Variants in SAV1 observed in about 807,000 individuals in gnomAD.
The protein encoded by SAV1 is protein salvador homolog 1.
Under a neutral mutation model 47.3 loss-of-function variants are expected in SAV1, and 23 were observed. That is an observed-to-expected ratio of 0.49 (90% CI 0.35 to 0.69). The LOEUF is 0.69. Ranked by LOEUF, SAV1 falls within the 30% of genes least tolerant of loss-of-function variation. SAV1 has a pLI of 0.01. For synonymous variants in SAV1, 155 were observed against 159.2 expected, an observed-to-expected ratio of 0.97 and a Z score of 0.20; for missense variants, 448 against 457.4, an observed-to-expected ratio of 0.98 and a Z score of 0.19.
At chr14:50,667,696 A>G (rs1237281076) in intron 1 of SAV1, among the ~76,000 whole-genome samples, 178 bp downstream of exon 1, 1 of 151,710 alleles carries the variant, frequency 6.6e-6, no homozygotes, top group Non-Finnish European at 1.5e-5. Flanking sequence ...CAAGTTTCTT[A>G]CTCTTATGGG....
chr14:50,652,102 C>T (rs1308346019), intron 2 of SAV1, among the ~76,000 whole-genome samples: 4 of 151,934 alleles, frequency 2.6e-5, no homozygotes, highest in Non-Finnish European at 4.4e-5. Flanking sequence ...CAACAGGAAC[C>T]AAGATTTTCA....
chr14:50,662,697 A>T (rs1292606497), intron 2 of SAV1: 2 of 152,230 alleles, frequency 1.3e-5, no homozygotes, highest in Admixed American at 6.5e-5. Context: ...CTTGTTATTA[A>T]TTCCTCATAT....
chr14:50,647,271 G>A (rs927371187), intron 2 of SAV1, among the ~76,000 whole-genome samples: 2 of 152,060 alleles, frequency 1.3e-5, no homozygotes, highest in African/African-American at 2.4e-5. Context: ...GATTAAAAAC[G>A]CTTGTGAAGG....
chr14:50,641,929 T>C (rs2039683334), intron 3 of SAV1, among the ~76,000 whole-genome samples: 1 of 152,190 alleles, frequency 6.6e-6, no homozygotes, highest in East Asian at 1.9e-4. Flanking sequence ...TGCAGCACTA[T>C]TCACAATAGC....
intron 2 of SAV1, among the ~76,000 whole-genome samples, chr14:50,650,194 T>C (rs1315732860): frequency 6.6e-6 from 1 of 152,212 alleles, no homozygotes; most frequent in Admixed American, 6.5e-5. Flanking sequence ...AAATACAACA[T>C]ACAATGCATA....
At chr14:50,663,199 A>G (rs2039874470) in intron 2 of SAV1, 1 of 152,254 alleles carries the variant, frequency 6.6e-6, no homozygotes, top group Non-Finnish European at 1.5e-5. Flanking sequence ...ATATAATCAC[A>G]TCCATGTAAA....
intron 3 of SAV1, among the ~76,000 whole-genome samples, chr14:50,643,910 C>CA (rs2039700371): frequency 2.0e-5 from 3 of 152,094 alleles, no homozygotes; most frequent in Admixed American, 6.6e-5. Flanking sequence ...CCACTATAAC[C>CA]AAAAAACTGT....
chr14:50,645,077 C>A, intron 2 of SAV1, 63 bp from the exon 3 acceptor site: 1 of 1,447,874 alleles, frequency 6.9e-7, no homozygotes, highest in South Asian at 1.3e-5. Flanking sequence ...AAAAATGTGC[C>A]AGCTAGCAAA....
chr14:50,637,051 G>A, intron 4 of SAV1, among the ~76,000 whole-genome samples: 1 of 152,178 alleles, frequency 6.6e-6, no homozygotes, highest in Non-Finnish European at 1.5e-5. Flanking sequence ...AGCAGTTAGT[G>A]TGAGCCACTA....
In SAV1 at chr14:50,635,400, A is replaced by G; in HGVS notation, c.951-16T>C. The stretch of plus-strand genomic sequence containing the variant: ...GTGGTCATATCTGTTTTAAAACACA[A>G]TCATATATATGTTCACAACACATAC... On this transcript the variant is annotated splice_polypyrimidine_tract_variant and intron_variant, in intron 4 of 4. Transcript: ENST00000324679. 1.3e-6 allele frequency: 2 copies of G among 1,599,370 alleles called. No homozygotes were observed. Among genetic ancestry groups the G allele is most frequent in the Admixed American group, 1.7e-5 (1 of 59,980 alleles).
At position 50,644,778 on chromosome 14, in the gene SAV1, T is replaced by C. The variant is rs763935706; in HGVS notation, c.772A>G (p.Lys258Glu). The part of the protein sequence containing the change: ...FGTYYVDHTN[K>E]KAQYRHPCAP... ...CAGGGATGCCTGTATTGGGCCTTCT[T>C]ATTTGTGTGATCTACATAATAGGTT... is the stretch of plus-strand genomic sequence containing the variant. Residue 258 changes from lysine to glutamate, a missense_variant, in exon 3 of 5, where the codon AAG becomes GAG. Lys to Glu is a moderately conservative substitution (Grantham distance 56, BLOSUM62 1). Transcript: ENST00000324679. 30 of 1,614,078 alleles carry C rather than the reference T, an allele frequency of 1.9e-5. No homozygotes were observed. Among genetic ancestry groups the C allele is most frequent in the Non-Finnish European group, 2.3e-5 (27 of 1,180,020 alleles).
At chr14:50,638,792 G>C (rs200402518) in intron 4 of SAV1, among the ~76,000 whole-genome samples, 2 of 152,186 alleles carry the variant, frequency 1.3e-5, no homozygotes, top group East Asian at 3.8e-4. Flanking sequence ...TTTTGAGATG[G>C]AGTCTCGCTC....
Position 50,640,841 on chromosome 14 carries a change from C to T in SAV1, c.859G>A (p.Glu287Lys). ...PPVTYQPQQTERNQSLLVPAN... is the reference protein window; with the variant it reads ...PPVTYQPQQTKRNQSLLVPAN... ...GGTACCAGAAGGGACTGATTTCTTT[C>T]AGTTTGCTGTGGCTGGTATGTGACA... The change falls in exon 4 of 5, where the codon GAA (glutamate) becomes AAA (lysine). Residue 287 changes from glutamate (E) to lysine (K), a missense_variant. Coordinates refer to ENST00000324679, the MANE Select transcript of SAV1 (RefSeq NM_021818.4). 1.2e-6 allele frequency: 2 copies of T among 1,613,674 alleles called. No homozygotes were observed. Among genetic ancestry groups the T allele is most frequent in the Non-Finnish European group, 1.7e-6 (2 of 1,179,768 alleles).
At position 50,665,518 on chromosome 14, in the gene SAV1, C is replaced by T; in HGVS notation, c.196G>A (p.Val66Ile). Residue 66 changes from valine to isoleucine, a missense_variant, in exon 2 of 5, where the codon GTA becomes ATA. Val to Ile is a conservative substitution (Grantham distance 29). Coordinates refer to ENST00000324679, the MANE Select transcript of SAV1 (RefSeq NM_021818.4). ...AGGAAACTCTGGTTTCTTGAAACTA[C>T]ATCTCCAGAAGTTGAAAAGGCATTA... ...SPNAFSTSGD[V>I]VSRNQSFLRT... 1 of 1,614,074 alleles carries T rather than the reference C, an allele frequency of 6.2e-7. No individual in the cohort carries two copies. Among genetic ancestry groups the T allele is most frequent in the Non-Finnish European group, 8.5e-7 (1 of 1,179,956 alleles).
intron 2 of SAV1, among the ~76,000 whole-genome samples, chr14:50,657,810 G>A (rs998706932): frequency 2.6e-5 from 4 of 152,094 alleles, no homozygotes; most frequent in Non-Finnish European, 4.4e-5. Flanking sequence ...CTAAACATAT[G>A]ACTTAGTCGA....
chr14:50,648,338 T>C (rs1241577999), intron 2 of SAV1, among the ~76,000 whole-genome samples: 2 of 152,176 alleles, frequency 1.3e-5, no homozygotes, highest in Admixed American at 1.3e-4. Context: ...TTAGAGGGTG[T>C]TTGAAATGTT....
Position 50,644,969 on chromosome 14 carries a change from T to C in SAV1, c.581A>G (p.His194Arg), listed in dbSNP as rs779551399. Residue 194 changes from histidine (H) to arginine (R), a missense_variant, in exon 3 of 5, where the codon CAT becomes CGT. By Grantham distance (29) the His-to-Arg change is conservative. Transcript: ENST00000324679. ...AGGAAGGGGTAAATCTTCAGAACCATGGTTAGTCAAATTTCCTAAAGATGT... is the reference window on the plus strand; with the variant it reads ...AGGAAGGGGTAAATCTTCAGAACCACGGTTAGTCAAATTTCCTAAAGATGT... ...AATSLGNLTN[H>R]GSEDLPLPPG... 3.2e-5 allele frequency: 51 copies of C among 1,613,272 alleles called. No individual in the cohort carries two copies. Among genetic ancestry groups the C allele is most frequent in the Middle Eastern group, 1.6e-4 (1 of 6,084 alleles).
chr14:50,645,353 T>C (rs1006336959), intron 2 of SAV1, among the ~76,000 whole-genome samples: 1 of 152,162 alleles, frequency 6.6e-6, no homozygotes, highest in Non-Finnish European at 1.5e-5. Flanking sequence ...AGCTGACATG[T>C]TGCCACAAGC....
chr14:50,660,724 A>G (rs2039852741), intron 2 of SAV1, among the ~76,000 whole-genome samples: 1 of 152,074 alleles, frequency 6.6e-6, no homozygotes, highest in African/African-American at 2.4e-5. Context: ...TTATGTTTGG[A>G]CCCATTAACC....
Sources: allele counts gnomAD v4.1 joint callset (sites outside exome capture counted in the v4.1 genomes callset), GRCh38; gene constraint gnomAD v4.1.1; transcripts MANE v1.5; gene names NCBI Gene and HGNC (gene_info 2026-07-23, HGNC 2026-07-21).